Variants in ABCA13 observed in about 807,000 individuals in gnomAD.
The protein encoded by ABCA13 is ATP binding cassette subfamily A member 13.
Under a neutral mutation model 478.7 loss-of-function variants are expected in ABCA13, and 476 were observed. The ratio of observed to expected loss-of-function variants is 0.99; its 90% CI spans 0.92 to 1.07. The LOEUF (loss-of-function observed/expected upper bound fraction) is 1.07. ABCA13 is among the 50% of genes least tolerant of loss of function. The pLI, the probability that ABCA13 is intolerant of heterozygous loss-of-function variation, is 0.00. For missense variants in ABCA13, 6,060 were observed against 5,910.6 expected (o/e 1.03, Z -0.83); for synonymous variants, 2,252 against 2,158.9 (o/e 1.04, Z -1.20).
chr7:48,398,779 G>GGCAT (rs1465664209), intron 38 of ABCA13, among the ~76,000 whole-genome samples: 1 of 152,104 alleles, frequency 6.6e-6, no homozygotes, highest in Non-Finnish European at 1.5e-5. Context: ...GATCATTGAG[G>GGCAT]GCATAAGTGA....
At position 48,317,244 on chromosome 7, in the gene ABCA13, G is replaced by A. The variant is rs2128897974; in HGVS notation, c.9947G>A (p.Gly3316Glu). The change falls in exon 27 of 62, where the codon GGA becomes GAA. Residue 3316 changes from glycine to glutamate, a missense_variant. Transcript: ENST00000435803. ...ACCTTCCTAAAACCCATATTGCATGGAAAAATACTATACACACCAAACACT... is the reference window on the plus strand; with the variant it reads ...ACCTTCCTAAAACCCATATTGCATGAAAAAATACTATACACACCAAACACT... ...VWTFLKPILH[G>E]KILYTPNTPE... 6.2e-7 allele frequency: 1 copy of A among 1,613,396 alleles called. No homozygotes were observed. Among genetic ancestry groups the A allele is most frequent in the Non-Finnish European group, 8.5e-7 (1 of 1,179,762 alleles).
At chr7:48,501,335 C>T (rs1830723493) in intron 48 of ABCA13, among the ~76,000 whole-genome samples, 1 of 151,988 alleles carries the variant, frequency 6.6e-6, no homozygotes, top group Admixed American at 6.6e-5. Context: ...ATGTTAAGCC[C>T]CAAAATGCTT....
intron 45 of ABCA13, among the ~76,000 whole-genome samples, chr7:48,479,096 C>T (rs965963736): frequency 5.5e-5 from 8 of 144,412 alleles, no homozygotes; most frequent in East Asian, 4.2e-4. Flanking sequence ...TACAGGTGGC[C>T]GCCACTACGC....
At chr7:48,382,176 C>T (rs966082773) in intron 35 of ABCA13, among the ~76,000 whole-genome samples, 2 of 152,152 alleles carry the variant, frequency 1.3e-5, no homozygotes, top group African/African-American at 2.4e-5. Flanking sequence ...GGACTTACAG[C>T]GAGTTACAGT....
intron 29 of ABCA13, among the ~76,000 whole-genome samples, chr7:48,344,493 T>C (rs892256959): frequency 6.6e-6 from 1 of 152,254 alleles, no homozygotes; most frequent in African/African-American, 2.4e-5. Flanking sequence ...TAACTTGTAT[T>C]ATTCTCTGGG....
At chr7:48,536,849 T>C (rs2131097294) in intron 55 of ABCA13, among the ~76,000 whole-genome samples, 1 of 152,048 alleles carries the variant, frequency 6.6e-6, no homozygotes, top group African/African-American at 2.4e-5. Flanking sequence ...ATTTTATATT[T>C]ATTATTCATA....
At chr7:48,245,795 T>C in intron 12 of ABCA13, 68 bp from the exon 13 acceptor site, 1 of 1,498,456 alleles carries the variant, frequency 6.7e-7, no homozygotes, top group Non-Finnish European at 9.0e-7. Context: ...TTGCAGTTCT[T>C]GAGCCCATGA....
At chr7:48,284,440 C>G (rs556776091) in intron 19 of ABCA13, among the ~76,000 whole-genome samples, 3 of 152,108 alleles carry the variant, frequency 2.0e-5, no homozygotes, top group East Asian at 3.9e-4. Flanking sequence ...AATCTAAGTA[C>G]AAGTTAGGAT....
At chr7:48,375,216 G>A (rs536051427) in intron 34 of ABCA13, among the ~76,000 whole-genome samples, 13 of 152,018 alleles carry the variant, frequency 8.6e-5, no homozygotes, top group Admixed American at 6.6e-4. Flanking sequence ...TCTATCCCCC[G>A]GTCTGTGGAA....
intron 5 of ABCA13, among the ~76,000 whole-genome samples, chr7:48,221,816 G>C (rs1466796767): frequency 5.3e-5 from 8 of 152,166 alleles, no homozygotes; most frequent in Admixed American, 4.6e-4. Flanking sequence ...ATGTCGCTAA[G>C]AATCTTACAA....
intron 59 of ABCA13, among the ~76,000 whole-genome samples, chr7:48,630,913 A>G (rs943255369): frequency 2.6e-5 from 4 of 151,116 alleles, no homozygotes; most frequent in African/African-American, 9.7e-5. Context: ...ATTAGTGATG[A>G]TGAGTATTTT....
In ABCA13 at chr7:48,317,158, A is replaced by G. The variant is rs1802717099; in HGVS notation, c.9861A>G (p.Thr3287=). 1.2e-6 allele frequency: 2 copies of G among 1,610,394 alleles called. No homozygotes were observed. The highest frequency in any genetic ancestry group is 1.3e-5 in the African/African-American group (1 of 74,720). Residue 3287 remains threonine (T), a splice_region_variant and synonymous_variant, in exon 27 of 62, where the codon ACA becomes ACG. Transcript: ENST00000435803. ...KEKFNIPEDS[T]PFCLKLYQEI... ...TTTTTTTCTTTCTAATTGCAACAGC[A>G]CCGTTTTGCTTGAAGCTTTATCAGG...
intron 40 of ABCA13, 92 bp downstream of exon 40, chr7:48,410,769 C>T: frequency 6.7e-7 from 1 of 1,499,738 alleles, no homozygotes; most frequent in South Asian, 1.3e-5. Context: ...AATAACGTCT[C>T]AGTGGAGGCC....
intron 55 of ABCA13, among the ~76,000 whole-genome samples, chr7:48,578,414 C>G (rs538281434): frequency 6.6e-5 from 10 of 152,178 alleles, no homozygotes; most frequent in African/African-American, 2.4e-4. Flanking sequence ...TCATGTTTCC[C>G]TATATATCTA....
intron 18 of ABCA13, among the ~76,000 whole-genome samples, chr7:48,280,175 A>G (rs149435015): frequency 2.6e-4 from 39 of 152,334 alleles, no homozygotes; most frequent in African/African-American, 9.1e-4. Flanking sequence ...TATTCTCAGA[A>G]GCAAAAACCT....
chr7:48,493,257 G>A (rs1829999695), intron 48 of ABCA13, among the ~76,000 whole-genome samples: 1 of 151,940 alleles, frequency 6.6e-6, no homozygotes, highest in Non-Finnish European at 1.5e-5. Flanking sequence ...CTATATTTTA[G>A]GGTTACTATA....
At chr7:48,537,452 T>A (rs554436613) in intron 55 of ABCA13, among the ~76,000 whole-genome samples, 1 of 152,132 alleles carries the variant, frequency 6.6e-6, no homozygotes. Flanking sequence ...TTTACTTCTA[T>A]AGAAGGATGC....
Position 48,644,759 on chromosome 7 carries a change from A to C in ABCA13, c.15081+5A>C. On this transcript the variant is annotated splice_donor_5th_base_variant and intron_variant, in intron 61 of 61. Transcript: ENST00000435803. ...AACCAAACCACTTTGGAGCAGGTAT[A>C]GTATCTTGAATGATTCAGGAGGTTG... 1 of 1,590,092 alleles carries C rather than the reference A, an allele frequency of 6.3e-7. No homozygotes were observed. The highest frequency in any genetic ancestry group is 1.4e-5 in the African/African-American group (1 of 73,776).
At chr7:48,628,889 G>A (rs1429551254) in intron 59 of ABCA13, among the ~76,000 whole-genome samples, 2 of 152,150 alleles carry the variant, frequency 1.3e-5, no homozygotes. Context: ...TGTAAAAGAC[G>A]AATCAGATGA....
Sources: allele counts gnomAD v4.1 joint callset (sites outside exome capture counted in the v4.1 genomes callset), GRCh38; gene constraint gnomAD v4.1.1; transcripts MANE v1.5; gene names NCBI Gene and HGNC (gene_info 2026-07-23, HGNC 2026-07-21).